Variants in CBFA2T2 observed in about 807,000 individuals in gnomAD.
CBFA2T2 encodes the protein protein CBFA2T2.
In CBFA2T2, 11 loss-of-function variants were observed where a neutral mutation model predicts 62.2. The ratio of observed to expected loss-of-function variants is 0.18; its 90% confidence interval spans 0.11 to 0.29. The LOEUF is 0.29. Among genes scored for constraint, CBFA2T2 ranks in the 10% least tolerant of loss-of-function variants. The pLI is 1.00. For synonymous variants in CBFA2T2, 295 were observed against 287.5 expected (o/e 1.03, Z -0.27); for missense variants, 592 against 774.1 (o/e 0.76, Z 2.79).
intron 5 of CBFA2T2, 118 bp downstream of exon 5, chr20:33,623,414 A>T: frequency 1.7e-6 from 2 of 1,184,168 alleles, no homozygotes; most frequent in South Asian, 2.9e-5. Context: ...TTTTTTTGAG[A>T]CAAGGCCTGG....
At chr20:33,634,670 C>CAAAAAAAAA (rs758089440) in intron 8 of CBFA2T2, among the ~76,000 whole-genome samples, 27 of 47,918 alleles carry the variant, frequency 5.6e-4, no homozygotes, top group African/African-American at 1.4e-3. Context: ...ACCCTATGTC[C>CAAAAAAAAA]AAAAAAAAAA....
At chr20:33,520,730 G>A (rs752428194) in intron 1 of CBFA2T2, among the ~76,000 whole-genome samples, 4 of 151,882 alleles carry the variant, frequency 2.6e-5, no homozygotes, top group South Asian at 2.1e-4. Flanking sequence ...AGATCATGCC[G>A]CTGCACTCCA....
At chr20:33,519,980 TCTA>T (rs1276479257) in intron 1 of CBFA2T2, among the ~76,000 whole-genome samples, 3 of 151,914 alleles carry the variant, frequency 2.0e-5, no homozygotes. Flanking sequence ...AAACCTCATC[TCTA>T]CTAAAAATAA....
intron 1 of CBFA2T2, among the ~76,000 whole-genome samples, chr20:33,520,900 A>ACACG (rs1424414433): frequency 6.6e-6 from 1 of 151,640 alleles, no homozygotes; most frequent in Non-Finnish European, 1.5e-5. Context: ...CTGTTTTTAC[A>ACACG]CACGCACGCG....
chr20:33,525,827 A>C (rs1293563311), intron 1 of CBFA2T2, among the ~76,000 whole-genome samples: 2 of 151,764 alleles, frequency 1.3e-5, no homozygotes, highest in Non-Finnish European at 2.9e-5. Flanking sequence ...CCAGTTTTTA[A>C]ATTATTTGTA....
intron 10 of CBFA2T2, among the ~76,000 whole-genome samples, chr20:33,643,904 T>C (rs1160006313): frequency 6.9e-6 from 1 of 145,638 alleles, no homozygotes; most frequent in Admixed American, 7.0e-5. Flanking sequence ...TGGTGGCACA[T>C]GCAGAAAGGA....
rs1345400125 is a variant in CBFA2T2, at chr20:33,648,983, A to C, written c.*4337A>C. On this transcript the variant is annotated 3_prime_UTR_variant, in exon 11 of 11. Coordinates refer to ENST00000342704, the MANE Select transcript of CBFA2T2 (RefSeq NM_001032999.3). ...CGTTTGAAGGTTCAGCACAGCTGGA[A>C]TTGTACGGTAGTGAGCTCTTCAAAA... The C allele has an allele frequency of 1.3e-5, 2 of 152,188 alleles. No homozygotes were observed. Among genetic ancestry groups the C allele is most frequent in the Admixed American group, 1.3e-4 (2 of 15,274 alleles). The allele number at this position is 152,188 out of a possible 1,614,324, so 9.4% of individuals were successfully genotyped here.
chr20:33,537,177 C>G (rs1344826379), intron 1 of CBFA2T2, among the ~76,000 whole-genome samples: 2 of 152,246 alleles, frequency 1.3e-5, no homozygotes, highest in Non-Finnish European at 2.9e-5. Flanking sequence ...GATCACGCCA[C>G]TGCATTCAGC....
rs965595886 is a variant in CBFA2T2, at chr20:33,646,671, C to T, written c.*2025C>T. 28 of 151,760 alleles carry T rather than the reference C, an allele frequency of 1.8e-4. No individual in the cohort carries two copies. The highest frequency in any genetic ancestry group is 6.5e-4 in the African/African-American group (27 of 41,270). The allele number at this position is 151,760 out of a possible 1,614,324, so 9.4% of individuals were successfully genotyped here. A position where few individuals can be genotyped will look rare whatever the true frequency, so the allele number is the denominator to read the frequency against. ...AGGAATTCAAGACCAACCTGGCCAA[C>T]ATGGTGAAACCCTGTCTCTAATAAA... On this transcript the variant is annotated 3_prime_UTR_variant, in exon 11 of 11. Transcript: ENST00000342704.
chr20:33,495,271 G>A (rs2011187951), intron 1 of CBFA2T2, among the ~76,000 whole-genome samples: 1 of 151,414 alleles, frequency 6.6e-6, no homozygotes, highest in African/African-American at 2.4e-5. Flanking sequence ...GGTAGCGGGG[G>A]CCTGTAGTAC....
intron 1 of CBFA2T2, among the ~76,000 whole-genome samples, chr20:33,498,523 G>A (rs1418656653): frequency 6.6e-6 from 1 of 151,930 alleles, no homozygotes; most frequent in Non-Finnish European, 1.5e-5. Context: ...AAAGTGCTGG[G>A]ATTATAGGCG....
At position 33,648,466 on chromosome 20, in the gene CBFA2T2, C is replaced by T. The variant is rs1445000713; in HGVS notation, c.*3820C>T. On this transcript the variant is annotated 3_prime_UTR_variant, in exon 11 of 11. Coordinates refer to ENST00000342704, the MANE Select transcript of CBFA2T2 (RefSeq NM_001032999.3). ...TCCTTTTTGTCCCCACTTGCCTGCA[C>T]CGTGCCTGACTCATCCAGTGGGGAA... 1 of 152,226 alleles carries T rather than the reference C, an allele frequency of 6.6e-6. No homozygotes were observed. The highest frequency in any genetic ancestry group is 1.5e-5 in the Non-Finnish European group (1 of 68,100). 9.4% of individuals were successfully genotyped at this position (152,226 alleles called of 1,614,324 possible).
At chr20:33,585,103 A>G (rs2146918638) in intron 1 of CBFA2T2, among the ~76,000 whole-genome samples, 1 of 152,022 alleles carries the variant, frequency 6.6e-6, no homozygotes, top group South Asian at 2.1e-4. Context: ...AACCCAAACT[A>G]CCTGTTAAAA....
chr20:33,598,337 G>T (rs1186480955), intron 1 of CBFA2T2, among the ~76,000 whole-genome samples: 2 of 152,130 alleles, frequency 1.3e-5, no homozygotes, highest in Admixed American at 1.3e-4. Context: ...ATAAGAGACA[G>T]GCGCACCTAG....
intron 1 of CBFA2T2, among the ~76,000 whole-genome samples, chr20:33,494,243 G>GTA (rs869164142): frequency 1.5e-3 from 45 of 30,306 alleles, no homozygotes; most frequent in African/African-American, 4.7e-3. Flanking sequence ...ATATATATGT[G>GTA]TATATATATA....
intron 1 of CBFA2T2, among the ~76,000 whole-genome samples, chr20:33,554,873 C>A (rs1372903260): frequency 6.6e-6 from 1 of 151,922 alleles, no homozygotes; most frequent in Non-Finnish European, 1.5e-5. Flanking sequence ...GATTGAATGT[C>A]AGAGTACCCA....
chr20:33,625,697 C>T (rs1230176040), intron 6 of CBFA2T2, among the ~76,000 whole-genome samples: 1 of 152,180 alleles, frequency 6.6e-6, no homozygotes, highest in Admixed American at 6.5e-5. Context: ...CCTATAATCC[C>T]AGCACTTTGG....
At chr20:33,496,925 G>A (rs1473715466) in intron 1 of CBFA2T2, among the ~76,000 whole-genome samples, 1 of 152,086 alleles carries the variant, frequency 6.6e-6, no homozygotes, top group Non-Finnish European at 1.5e-5. Context: ...CCCGTCTCAT[G>A]GGTTGTGCCC....
chr20:33,545,841 CT>C (rs1317669335), intron 1 of CBFA2T2, among the ~76,000 whole-genome samples: 2 of 152,202 alleles, frequency 1.3e-5, no homozygotes, highest in Non-Finnish European at 2.9e-5. Flanking sequence ...ATATGGAAGA[CT>C]TTTGAACAAA....
Sources: allele counts gnomAD v4.1 joint callset (sites outside exome capture counted in the v4.1 genomes callset), GRCh38; gene constraint gnomAD v4.1.1; transcripts MANE v1.5; gene names NCBI Gene and HGNC (gene_info 2026-07-23, HGNC 2026-07-21).